Variants in CLVS1 observed in about 807,000 individuals in gnomAD.
The protein encoded by CLVS1 is clavesin-1.
Under a neutral mutation model 33.1 loss-of-function variants are expected in CLVS1, and 10 were observed. The observed-to-expected ratio is 0.30, with a 90% CI of 0.19 to 0.51. CLVS1 has a LOEUF of 0.51. Ranked by LOEUF, CLVS1 falls within the 20% of genes least tolerant of loss-of-function variation. CLVS1 has a pLI of 0.97. For synonymous variants in CLVS1, 163 were observed against 166.1 expected, an observed-to-expected ratio of 0.98 and a Z score of 0.14; for missense variants, 343 against 433.4, an observed-to-expected ratio of 0.79 and a Z score of 1.85.
Position 61,299,856 on chromosome 8 carries a change from A to G in CLVS1, c.29A>G (p.Tyr10Cys). The G allele has an allele frequency of 6.2e-7, 1 of 1,612,418 alleles. No individual in the cohort carries two copies. Among genetic ancestry groups the G allele is most frequent in the African/African-American group, 1.3e-5 (1 of 74,916 alleles). MGPVSLLPK[Y>C]QKLNTWNGDL... is the part of the protein sequence containing the mutation. ...GGACCAGTCTCTCTTCTTCCAAAAT[A>G]TCAGAAGTTAAACACTTGGAACGGA... is the stretch of plus-strand genomic sequence containing the variant. Residue 10 changes from tyrosine (Y) to cysteine (C), a missense_variant, in exon 2 of 6, where the codon TAT becomes TGT. Around this residue, in one of 4 missense-constraint regions of CLVS1, gnomAD observed 88 missense variants for 77.3 expected, o/e 1.14. Coordinates refer to ENST00000325897, the MANE Select transcript of CLVS1 (RefSeq NM_173519.3).
chr8:60,972,735 C>T, the CLVS1 span, among the ~76,000 whole-genome samples: 1 of 152,316 alleles, frequency 6.6e-6, no homozygotes, highest in Non-Finnish European at 1.5e-5. Context: ...ACTATGATTG[C>T]AGCCCCAATC....
chr8:61,099,237 C>G (rs1805406001), intron 1 of CLVS1, among the ~76,000 whole-genome samples: 1 of 152,056 alleles, frequency 6.6e-6, no homozygotes, highest in East Asian at 1.9e-4. Flanking sequence ...AGGGGAGGGG[C>G]AGTGGTGTGA....
chr8:61,277,934 T>C (rs1419856619), intron 2 of CLVS1, among the ~76,000 whole-genome samples: 2 of 152,088 alleles, frequency 1.3e-5, no homozygotes, highest in African/African-American at 4.8e-5. Context: ...GGAAGGCAAA[T>C]AACTAGCAGG....
At chr8:61,347,935 C>G (rs925286827) in intron 2 of CLVS1, among the ~76,000 whole-genome samples, 1 of 151,572 alleles carries the variant, frequency 6.6e-6, no homozygotes, top group African/African-American at 2.4e-5. Flanking sequence ...TTTCCATTAA[C>G]ATATGCATTG....
At chr8:60,980,293 C>T in the CLVS1 span, among the ~76,000 whole-genome samples, 1 of 152,190 alleles carries the variant, frequency 6.6e-6, no homozygotes, top group Non-Finnish European at 1.5e-5. Context: ...TTTTAATGGG[C>T]TTTGGCATGG....
chr8:61,105,990 T>G (rs1280427553), intron 1 of CLVS1, among the ~76,000 whole-genome samples: 1 of 152,186 alleles, frequency 6.6e-6, no homozygotes, highest in Non-Finnish European at 1.5e-5. Flanking sequence ...AGTTCTGTCT[T>G]CCTTTGCTGT....
chr8:61,421,259 C>T lies in CLVS1; in HGVS notation c.631-32882C>T, dbSNP rs556536586. On this transcript the variant is annotated intron_variant, in intron 3 of 5. Transcript: ENST00000325897. ...AGGGGCTGTAAATGCACAGCTGTAC[C>T]ACCACAAGCATCACTCAGCAAACGA... is the stretch of plus-strand genomic sequence containing the variant. 2.0e-5 allele frequency among the ~76,000 whole-genome samples: 3 copies of T among 152,268 alleles called. No individual in the cohort carries two copies. In the South Asian group the frequency reaches 6.2e-4, roughly 32 times the overall value.
At chr8:61,289,749 A>G (rs1809915075) in intron 1 of CLVS1, among the ~76,000 whole-genome samples, 1 of 152,236 alleles carries the variant, frequency 6.6e-6, no homozygotes, top group African/African-American at 2.4e-5. Context: ...GAAAATAAAG[A>G]CAGTCACAAA....
In CLVS1 at chr8:61,170,184, T is replaced by C. The variant is rs538301465; in HGVS notation, c.-152+38324T>C. On this transcript the variant is annotated intron_variant, in intron 2 of 2. Coordinates refer to the CLVS1 transcript ENST00000522621. ...TCACACCATTTTACCGATAAGATAG[T>C]TGATTTCATTTGTTGGGCATTACAC... Among the ~76,000 whole-genome samples, 11 of 152,198 alleles carry C rather than the reference T, an allele frequency of 7.2e-5. No individual in the cohort carries two copies. The South Asian group carries it at 2.3e-3, about 32-fold the overall frequency.
At chr8:61,231,785 G>A (rs946546237) in intron 2 of CLVS1, among the ~76,000 whole-genome samples, 1 of 152,144 alleles carries the variant, frequency 6.6e-6, no homozygotes, top group Non-Finnish European at 1.5e-5. Context: ...TCTGGGTAAC[G>A]CCAGCATGGG....
At chr8:61,333,626 A>G (rs932299067) in intron 2 of CLVS1, among the ~76,000 whole-genome samples, 43 of 152,226 alleles carry the variant, frequency 2.8e-4, no homozygotes, top group Admixed American at 2.5e-3. Context: ...AGTAGAGGAC[A>G]GGAAATGTCG....
At position 61,458,536 on chromosome 8, in the gene CLVS1, T is replaced by C. The variant is rs1325550733; in HGVS notation, c.971T>C (p.Met324Thr). 3 of 1,602,190 alleles carry C rather than the reference T, an allele frequency of 1.9e-6. No homozygotes were observed. The highest frequency in any genetic ancestry group is 2.6e-6 in the Non-Finnish European group (3 of 1,173,880). ...GAGAGAGAATGCTCACCCAAGCTGA[T>C]GAAAAGGTAAGGCCTGGGTTATCAG... is the stretch of plus-strand genomic sequence containing the variant. ...NLERECSPKL[M>T]KRSQSVVEAG... Residue 324 changes from methionine to threonine, a missense_variant, in exon 5 of 6, where the codon ATG becomes ACG. Transcript: ENST00000325897.
At chr8:61,277,515 A>C (rs1259769504) in intron 2 of CLVS1, among the ~76,000 whole-genome samples, 1 of 152,150 alleles carries the variant, frequency 6.6e-6, no homozygotes, top group Non-Finnish European at 1.5e-5. Context: ...TCTATGGGTG[A>C]GTATAGGGGA....
At chr8:61,221,158 A>G (rs1190846831) in intron 2 of CLVS1, among the ~76,000 whole-genome samples, 1 of 152,142 alleles carries the variant, frequency 6.6e-6, no homozygotes, top group Non-Finnish European at 1.5e-5. Context: ...CTCTCTTCCT[A>G]TTTGAGTATG....
rs1554542986 is a variant in CLVS1, at chr8:61,181,708, T to TTTTG, written c.-152+49851_-152+49852insGTTT. On this transcript the variant is annotated intron_variant, in intron 2 of 2. Coordinates refer to the CLVS1 transcript ENST00000522621. The stretch of plus-strand genomic sequence containing the variant: ...TACAACCATCTGATCTTTTTTTTTT[T>TTTTG]TTTTTTTTTGAGATGGAGTCTCGCT... Among the ~76,000 whole-genome samples the TTTTG allele has an allele frequency of 6.6e-4, 94 of 142,752 alleles. 1 individual carries two copies. The highest frequency in any genetic ancestry group is 2.3e-3 in the African/African-American group (90 of 39,212). The allele number at this position is 142,752 out of a possible 152,430, so 93.7% of individuals were successfully genotyped here. A position where few individuals can be genotyped will look rare whatever the true frequency, so the allele number is the denominator to read the frequency against.
At chr8:61,231,887 G>C (rs1390253323) in intron 2 of CLVS1, among the ~76,000 whole-genome samples, 1 of 152,146 alleles carries the variant, frequency 6.6e-6, no homozygotes, top group Non-Finnish European at 1.5e-5. Context: ...CACAATGCAG[G>C]AGTGGGGGGC....
intron 1 of CLVS1, among the ~76,000 whole-genome samples, chr8:61,064,635 G>T (rs774099644): frequency 6.6e-6 from 1 of 151,592 alleles, no homozygotes; most frequent in Non-Finnish European, 1.5e-5. Flanking sequence ...CTGCCCTGTG[G>T]GTTCAAACGA....
chr8:61,052,306 T>C (rs1286420445), upstream of CLVS1, among the ~76,000 whole-genome samples: 2 of 151,908 alleles, frequency 1.3e-5, no homozygotes, highest in African/African-American at 4.8e-5. Context: ...ACTAACTAAA[T>C]AAGTAAAACG....
intron 2 of CLVS1, among the ~76,000 whole-genome samples, chr8:61,251,240 C>G (rs1808940337): frequency 6.6e-6 from 1 of 152,176 alleles, no homozygotes; most frequent in Non-Finnish European, 1.5e-5. Flanking sequence ...TATGTTGAAC[C>G]AGCCTTGCAT....
Sources: allele counts gnomAD v4.1 joint callset (sites outside exome capture counted in the v4.1 genomes callset), GRCh38; gene constraint gnomAD v4.1.1; regional missense constraint gnomAD v4.1.1; transcripts MANE v1.5; gene names NCBI Gene and HGNC (gene_info 2026-07-23, HGNC 2026-07-21).